The following NUBPL variants were observed in gnomAD, a reference collection of about 807,000 sequenced individuals.
NUBPL encodes iron-sulfur cluster transfer protein NUBPL.
In NUBPL, 31 loss-of-function variants were observed where a neutral mutation model predicts 45.7. The ratio of observed to expected loss-of-function variants is 0.68; its 90% CI spans 0.51 to 0.92. The LOEUF (loss-of-function observed/expected upper bound fraction) is 0.92. Among genes scored for constraint, NUBPL ranks in the 40% least tolerant of loss-of-function variants. The probability of loss-of-function intolerance (pLI) is 0.00; values close to 1 mark genes in which losing one functional copy is unlikely to be tolerated. For synonymous variants in NUBPL, 144 were observed against 140.9 expected (o/e 1.02, Z -0.15); for missense variants, 401 against 398.7 (o/e 1.01, Z -0.05).
rs146072685 is a variant in NUBPL at position 31,815,900 on chromosome 14, G to A, written c.608-10729G>A. Among the ~76,000 whole-genome samples, 280 of 152,264 alleles carry A rather than the reference G, an allele frequency of 1.8e-3. 1 individual carries two copies. Among genetic ancestry groups the A allele is most frequent in the African/African-American group, 6.4e-3 (266 of 41,558 alleles). On this transcript the variant is annotated intron_variant, in intron 7 of 10. Transcript: ENST00000281081. ...GGGATGAAGCCGACTTGATAATGGTGGATAAGCTTTTTTATGTGCTGCTGG... is the reference window on the plus strand; with the variant it reads ...GGGATGAAGCCGACTTGATAATGGTAGATAAGCTTTTTTATGTGCTGCTGG...
chr14:31,597,360 G>A (rs560303013), intron 3 of NUBPL, among the ~76,000 whole-genome samples: 69 of 152,154 alleles, frequency 4.5e-4, no homozygotes, highest in Non-Finnish European at 6.6e-4. Flanking sequence ...TACTCTTACC[G>A]TAGCAAATGT....
At chr14:31,568,993 A>G (rs2033510699) in intron 3 of NUBPL, among the ~76,000 whole-genome samples, 1 of 152,210 alleles carries the variant, frequency 6.6e-6, no homozygotes, top group Non-Finnish European at 1.5e-5. Context: ...ATATGGTATT[A>G]GTATAGTAGC....
chr14:31,797,896 C>T (rs1188751839), intron 7 of NUBPL, among the ~76,000 whole-genome samples: 34 of 136,526 alleles, frequency 2.5e-4, no homozygotes, highest in South Asian at 8.1e-4. Context: ...CCATGTTTAG[C>T]GCTTCCTTCA....
At chr14:31,676,478 A>G (rs1178105446) in intron 6 of NUBPL, among the ~76,000 whole-genome samples, 1 of 151,598 alleles carries the variant, frequency 6.6e-6, no homozygotes, top group Non-Finnish European at 1.5e-5. Flanking sequence ...GTTGATGAAT[A>G]TTTGGGTGGT....
chr14:31,666,259 A>ATTTT (rs374687192), intron 4 of NUBPL, among the ~76,000 whole-genome samples: 2 of 19,386 alleles, frequency 1.0e-4, no homozygotes, highest in East Asian at 3.9e-3. Context: ...ATATATATAT[A>ATTTT]TATAATTTTA....
At chr14:31,837,338 AC>A (rs1304759004) in intron 8 of NUBPL, among the ~76,000 whole-genome samples, 1 of 152,166 alleles carries the variant, frequency 6.6e-6, no homozygotes, top group African/African-American at 2.4e-5. Flanking sequence ...TTCAAAAAAA[AC>A]AAAAATTCAT....
chr14:31,600,534 T>G (rs1288287057), intron 4 of NUBPL, among the ~76,000 whole-genome samples: 1 of 152,232 alleles, frequency 6.6e-6, no homozygotes, highest in African/African-American at 2.4e-5. Context: ...GGTCGTGGCT[T>G]GAAATTGATT....
At chr14:31,859,070 A>G (rs998825869) in intron 10 of NUBPL, 48 bp from the exon 11 acceptor site, 11 of 1,537,500 alleles carry the variant, frequency 7.2e-6, no homozygotes, top group Admixed American at 5.0e-5. Flanking sequence ...GAGTCATTCA[A>G]TGTCTGCTGA....
At chr14:31,672,271 A>ATGTG (rs1491399039) in intron 4 of NUBPL, among the ~76,000 whole-genome samples, 1 of 57,392 alleles carries the variant, frequency 1.7e-5, no homozygotes, top group African/African-American at 7.2e-5. Flanking sequence ...GACTGATTAG[A>ATGTG]TATGTGTGTG....
chr14:31,567,386 C>T (rs1186544060), intron 3 of NUBPL, among the ~76,000 whole-genome samples: 2 of 152,132 alleles, frequency 1.3e-5, no homozygotes, highest in Non-Finnish European at 2.9e-5. Flanking sequence ...TTCTTCTGCT[C>T]ATTGATTATG....
chr14:31,625,909 C>T (rs918495279), intron 4 of NUBPL, among the ~76,000 whole-genome samples: 2 of 152,118 alleles, frequency 1.3e-5, no homozygotes, highest in African/African-American at 4.8e-5. Context: ...ATGATGTAGT[C>T]CTGTCAACCC....
At chr14:31,737,640 C>T (rs564916347) in intron 6 of NUBPL, among the ~76,000 whole-genome samples, 12 of 152,164 alleles carry the variant, frequency 7.9e-5, no homozygotes, top group South Asian at 6.2e-4. Context: ...AAAAATTAGC[C>T]GGGCATGGTG....
At chr14:31,850,988 A>G (rs2040529728) in intron 10 of NUBPL, among the ~76,000 whole-genome samples, 1 of 152,208 alleles carries the variant, frequency 6.6e-6, no homozygotes, top group Non-Finnish European at 1.5e-5. Context: ...TGAAAAGACT[A>G]GTAGTGTTTC....
At chr14:31,666,896 T>C (rs1042534623) in intron 4 of NUBPL, among the ~76,000 whole-genome samples, 2 of 152,224 alleles carry the variant, frequency 1.3e-5, no homozygotes, top group Non-Finnish European at 1.5e-5. Context: ...CTCTTCTGGC[T>C]TGTAGGGTTT....
At chr14:31,829,242 C>T (rs2138975567) in intron 8 of NUBPL, among the ~76,000 whole-genome samples, 1 of 152,004 alleles carries the variant, frequency 6.6e-6, no homozygotes, top group Admixed American at 6.6e-5. Flanking sequence ...GGACATCTTC[C>T]TGTATCTTTA....
At chr14:31,615,096 A>T (rs190933818) in intron 4 of NUBPL, among the ~76,000 whole-genome samples, 314 of 152,242 alleles carry the variant, frequency 2.1e-3, no homozygotes, top group Non-Finnish European at 3.6e-3. Context: ...TGACTGGATC[A>T]TGGGGGTGGT....
chr14:31,792,295 C>A lies in NUBPL; in HGVS notation c.607+4422C>A, dbSNP rs1043259976. On this transcript the variant is annotated intron_variant, in intron 7 of 10. Transcript: ENST00000281081. Reference sequence around the variant, plus strand: ...TTGTGCACCCCGATGGGATGAATATCCAACTCGTTATCTGGATTGGTGCTT... The same window carrying A: ...TTGTGCACCCCGATGGGATGAATATACAACTCGTTATCTGGATTGGTGCTT... Among the ~76,000 whole-genome samples the A allele has an allele frequency of 5.3e-5, 8 of 152,092 alleles. No homozygotes were observed. The East Asian group carries it at 9.6e-4, about 18-fold the overall frequency.
chr14:31,718,384 C>T (rs951735020), intron 6 of NUBPL, among the ~76,000 whole-genome samples: 5 of 152,080 alleles, frequency 3.3e-5, no homozygotes, highest in African/African-American at 9.7e-5. Context: ...GAAAATCAAA[C>T]CCAAGTTTCT....
intron 6 of NUBPL, among the ~76,000 whole-genome samples, chr14:31,710,307 G>T (rs2037541716): frequency 6.6e-6 from 1 of 152,050 alleles, no homozygotes; most frequent in African/African-American, 2.4e-5. Flanking sequence ...ATGGTCCCTG[G>T]ACCCTGCTGA....
Sources: allele counts gnomAD v4.1 joint callset (sites outside exome capture counted in the v4.1 genomes callset), GRCh38; gene constraint gnomAD v4.1.1; transcripts MANE v1.5; gene names NCBI Gene and HGNC (gene_info 2026-07-23, HGNC 2026-07-21).